Variants in PRKN observed in about 807,000 individuals in gnomAD.
PRKN encodes the protein parkin RBR E3 ubiquitin protein ligase.
In PRKN, 56 loss-of-function variants were observed where a neutral mutation model predicts 59.5. That is an observed-to-expected ratio of 0.94 (90% CI 0.76 to 1.18). PRKN has a LOEUF of 1.18. PRKN is among the 50% of genes most tolerant of loss of function. PRKN has a pLI of 0.00. For missense variants in PRKN, 657 were observed against 596.4 expected, an observed-to-expected ratio of 1.10 and a Z score of -1.06; for synonymous variants, 250 against 222.1, an observed-to-expected ratio of 1.13 and a Z score of -1.12.
intron 2 of PRKN, among the ~76,000 whole-genome samples, chr6:162,359,451 CTTGACTTTTAACCAATAATCTTT>C (rs1277069833): frequency 6.6e-6 from 1 of 152,016 alleles, no homozygotes; most frequent in Non-Finnish European, 1.5e-5. Flanking sequence ...AATTCAATCA[CTTGACTTTTAACCAATAATCTTT>C]TTTACTACAA....
rs112108698 is a variant in PRKN, at chr6:161,484,346, T to A, written c.1083+64508A>T. 9.1e-4 allele frequency among the ~76,000 whole-genome samples: 139 copies of A among 152,270 alleles called. No individual in the cohort carries two copies. The highest frequency in any genetic ancestry group is 3.3e-3 in the African/African-American group (138 of 41,562). ...GCACTGGAAACCTCTAGATGGGCCA[T>A]CCAGCCTGAAGAAAGCCTTTCTTGT... On this transcript the variant is annotated intron_variant, in intron 9 of 11. Transcript: ENST00000366898. The surrounding 1 kb of genome is among the most constrained non-coding windows in gnomAD (Gnocchi z 4.9).
chr6:161,899,401 G>A (rs1777796407), intron 6 of PRKN, among the ~76,000 whole-genome samples: 1 of 152,180 alleles, frequency 6.6e-6, no homozygotes, highest in Non-Finnish European at 1.5e-5. Flanking sequence ...CACTCTGAGG[G>A]AAGTCTTGGG....
intron 4 of PRKN, among the ~76,000 whole-genome samples, chr6:162,083,647 A>G (rs1246720682): frequency 6.6e-6 from 1 of 152,102 alleles, no homozygotes; most frequent in Non-Finnish European, 1.5e-5. Flanking sequence ...GTAATAGAAC[A>G]TCAAATCATC....
At chr6:161,364,376 T>C (rs74665377) in intron 10 of PRKN, among the ~76,000 whole-genome samples, 3 of 132,958 alleles carry the variant, frequency 2.3e-5, no homozygotes, top group Non-Finnish European at 5.0e-5. Context: ...GGAGAATCAT[T>C]TGAACCGGGA....
intron 2 of PRKN, among the ~76,000 whole-genome samples, chr6:162,269,108 C>T (rs192913369): frequency 1.3e-5 from 2 of 152,244 alleles, no homozygotes; most frequent in East Asian, 1.9e-4. Context: ...TAACACACCT[C>T]GCAGACTCCG....
At chr6:161,774,030 T>C (rs371824959) in intron 7 of PRKN, among the ~76,000 whole-genome samples, 11 of 152,112 alleles carry the variant, frequency 7.2e-5, no homozygotes, top group Admixed American at 1.3e-4. Flanking sequence ...TGTTGTCTTC[T>C]CTGAAGTAGA....
intron 1 of PRKN, among the ~76,000 whole-genome samples, chr6:162,581,508 C>T (rs1780789518): frequency 6.6e-6 from 1 of 152,222 alleles, no homozygotes; most frequent in Non-Finnish European, 1.5e-5. Flanking sequence ...CGCCTGTAAT[C>T]CCGGCACTTT....
intron 9 of PRKN, among the ~76,000 whole-genome samples, chr6:161,537,641 C>G (rs7745470): frequency 0.024 from 3,619 of 152,076 alleles, 160 homozygotes; most frequent in African/African-American, 0.082. Flanking sequence ...TTAGTAGAGA[C>G]GGGGTTTCAC....
At chr6:162,458,687 T>C (rs999019745) in intron 1 of PRKN, among the ~76,000 whole-genome samples, 1 of 151,370 alleles carries the variant, frequency 6.6e-6, no homozygotes, top group Non-Finnish European at 1.5e-5. Flanking sequence ...ACTTTATCTC[T>C]TTTTTTTAAA....
At chr6:162,230,318 G>C (rs960113801) in intron 3 of PRKN, among the ~76,000 whole-genome samples, 1 of 152,230 alleles carries the variant, frequency 6.6e-6, no homozygotes, top group African/African-American at 2.4e-5. Flanking sequence ...TCACAGAGCA[G>C]GATGTAGCTG....
intron 7 of PRKN, among the ~76,000 whole-genome samples, chr6:161,586,019 C>CT (rs917617725): frequency 1.4e-4 from 21 of 151,896 alleles, no homozygotes; most frequent in East Asian, 3.9e-4. Context: ...TCAATCGCTT[C>CT]TTTTTTTAAA....
In PRKN at chr6:161,680,750, TATATATATATATATATA is replaced by T. The variant is rs1406700115; in HGVS notation, c.871+105005_871+105021del. Among the ~76,000 whole-genome samples, 40 of 19,978 alleles carry T rather than the reference TATATATATATATATATA, an allele frequency of 2.0e-3. 1 individual carries two copies. The East Asian group carries it at 0.043, about 22-fold the overall frequency. The allele number at this position is 19,978 out of a possible 152,430, so 13.1% of individuals were successfully genotyped here. On this transcript the variant is annotated intron_variant, in intron 7 of 11. Transcript: ENST00000366898. ...ACATATATATATATATATATATATA[TATATATATATATATATA>T]TATATATATTTTTTTTTTTTTTTCT...
chr6:161,799,233 C>T (rs1363838303), intron 6 of PRKN, among the ~76,000 whole-genome samples: 2 of 152,182 alleles, frequency 1.3e-5, no homozygotes, highest in African/African-American at 4.8e-5. Flanking sequence ...ACAGGGCTAT[C>T]TTTCTGTATT....
chr6:162,508,197 C>T (rs60597028), intron 1 of PRKN, among the ~76,000 whole-genome samples: 4,638 of 152,176 alleles, frequency 0.03, 233 homozygotes, highest in African/African-American at 0.11. Flanking sequence ...ACCCATTAGA[C>T]CTCCTGAGAC....
Position 161,885,964 on chromosome 6 carries a change from T to C in PRKN, c.734+87338A>G, listed in dbSNP as rs28641942. On this transcript the variant is annotated intron_variant, in intron 6 of 11. Transcript: ENST00000366898. ...TGTTTCCTCTCCAAATGTGGGGATATAAAATAATGGTTTGCATTTGCAAAA... is the reference window on the plus strand; with the variant it reads ...TGTTTCCTCTCCAAATGTGGGGATACAAAATAATGGTTTGCATTTGCAAAA... Among the ~76,000 whole-genome samples the C allele has an allele frequency of 3.8e-3, 578 of 152,202 alleles. 5 individuals are homozygous for C. Among genetic ancestry groups the C allele is most frequent in the African/African-American group, 0.013 (551 of 41,518 alleles).
intron 6 of PRKN, among the ~76,000 whole-genome samples, chr6:161,933,273 C>A (rs748115547): frequency 6.6e-6 from 1 of 151,574 alleles, no homozygotes; most frequent in Non-Finnish European, 1.5e-5. Flanking sequence ...AGCGAGACTC[C>A]GTTTCAAAAC....
At chr6:161,505,888 T>C (rs1778148787) in intron 9 of PRKN, among the ~76,000 whole-genome samples, 1 of 150,746 alleles carries the variant, frequency 6.6e-6, no homozygotes, top group African/African-American at 2.5e-5. Flanking sequence ...GATCTATATC[T>C]CTGTTTTGGT....
At chr6:161,613,527 G>A (rs908295784) in intron 7 of PRKN, among the ~76,000 whole-genome samples, 1 of 152,192 alleles carries the variant, frequency 6.6e-6, no homozygotes, top group Non-Finnish European at 1.5e-5. Flanking sequence ...TTGTTCTACT[G>A]TGGGTAAAAT....
At chr6:162,596,963 G>T (rs1293912754) in intron 1 of PRKN, among the ~76,000 whole-genome samples, 3 of 152,086 alleles carry the variant, frequency 2.0e-5, no homozygotes, top group Non-Finnish European at 2.9e-5. Context: ...ACTAGTTCCG[G>T]GTTTCAGACA....
Sources: allele counts gnomAD v4.1 joint callset (sites outside exome capture counted in the v4.1 genomes callset), GRCh38; gene constraint gnomAD v4.1.1; non-coding constraint Gnocchi (gnomAD v3.1); transcripts MANE v1.5; gene names NCBI Gene and HGNC (gene_info 2026-07-23, HGNC 2026-07-21).